The following TRPV3 variants were observed in gnomAD, a reference collection of about 807,000 sequenced individuals.
The protein encoded by TRPV3 is transient receptor potential cation channel subfamily V member 3, also known as VRL-3.
Under a neutral mutation model 87.1 loss-of-function variants are expected in TRPV3, and 88 were observed. That is an observed-to-expected ratio of 1.01 (90% CI 0.85 to 1.21). TRPV3 has a LOEUF of 1.21. TRPV3 is among the 50% of genes most tolerant of loss of function. The pLI is 0.00. For synonymous variants in TRPV3, 438 were observed against 423.3 expected (o/e 1.03, Z -0.43); for missense variants, 1,054 against 1,030.1 (o/e 1.02, Z -0.32).
intron 13 of TRPV3, among the ~76,000 whole-genome samples, chr17:3,521,420 A>G (rs2074244983): frequency 6.6e-6 from 1 of 152,212 alleles, no homozygotes; most frequent in Non-Finnish European, 1.5e-5. Context: ...AAACACAGCC[A>G]TTATTCAGAA....
At chr17:3,527,296 C>T (rs896523566) in intron 11 of TRPV3, among the ~76,000 whole-genome samples, 6 of 152,162 alleles carry the variant, frequency 3.9e-5, no homozygotes, top group African/African-American at 1.2e-4. Flanking sequence ...TTGTCCTCAT[C>T]GTCCTCGTGC....
intron 13 of TRPV3, among the ~76,000 whole-genome samples, chr17:3,522,931 A>C (rs1211591748): frequency 1.3e-5 from 2 of 152,116 alleles, no homozygotes; most frequent in Non-Finnish European, 2.9e-5. Flanking sequence ...ATGTATATGT[A>C]TAGGAAAAAA....
chr17:3,531,424 G>A (rs376375812), intron 8 of TRPV3, among the ~76,000 whole-genome samples: 3 of 150,972 alleles, frequency 2.0e-5, no homozygotes, highest in Admixed American at 6.7e-5. Context: ...TCTCCGCCCC[G>A]CACCCCAGCC....
Position 3,513,986 on chromosome 17 carries a change from G to C in TRPV3, c.2304C>G (p.Ser768=). 6.2e-7 allele frequency: 1 copy of C among 1,613,878 alleles called. No homozygotes were observed. The highest frequency in any genetic ancestry group is 8.5e-7 in the Non-Finnish European group (1 of 1,179,852). Residue 768 remains serine, a synonymous_variant, in exon 18 of 18, where the codon TCC becomes TCG. Transcript: ENST00000576742. ...RTDFNKIQDS[S]RNNSKTTLNA... Reference sequence around the variant, plus strand: ...TGAGAGTGGTTTTGCTGTTGTTCCTGGAAGAATCTTGGATTTTGTTGAAAT... The same window carrying C: ...TGAGAGTGGTTTTGCTGTTGTTCCTCGAAGAATCTTGGATTTTGTTGAAAT...
intron 6 of TRPV3, among the ~76,000 whole-genome samples, chr17:3,537,153 T>C (rs925265107): frequency 1.3e-5 from 2 of 152,158 alleles, no homozygotes; most frequent in African/African-American, 4.8e-5. Flanking sequence ...TGACATAGGA[T>C]CTTGCTGTGT....
At chr17:3,537,581 G>T (rs1400348925) in intron 6 of TRPV3, among the ~76,000 whole-genome samples, 1 of 152,110 alleles carries the variant, frequency 6.6e-6, no homozygotes, top group Non-Finnish European at 1.5e-5. Context: ...TGATAGGCTG[G>T]GGAAAATATT....
intron 4 of TRPV3, 107 bp downstream of exon 4, chr17:3,544,472 C>T (rs905397471): frequency 5.8e-6 from 4 of 684,004 alleles, no homozygotes; most frequent in Non-Finnish European, 9.7e-6. Flanking sequence ...GTCCCAATCC[C>T]CAGGAATGGT....
At position 3,530,219 on chromosome 17, in the gene TRPV3, G is replaced by T; in HGVS notation, c.1066-16C>A. ...ACTTCAGGATCTGGGACAGGAGGAG[G>T]AACAACCATCAGCTGCAGAACAGGG... On this transcript the variant is annotated splice_polypyrimidine_tract_variant and intron_variant, in intron 8 of 17. Transcript: ENST00000576742. This position sits in a 1 kb window ranked among gnomAD's most constrained non-coding sequence, Gnocchi z 4.0. 1 of 1,604,722 alleles carries T rather than the reference G, an allele frequency of 6.2e-7. No individual in the cohort carries two copies. The highest frequency in any genetic ancestry group is 1.1e-5 in the South Asian group (1 of 89,248).
rs991436384 is a variant in TRPV3 at position 3,521,814 on chromosome 17, G to A, written c.1744-775C>T. On this transcript the variant is annotated intron_variant, in intron 13 of 17. Coordinates refer to ENST00000576742, the MANE Select transcript of TRPV3 (RefSeq NM_145068.4). ...GACAGGCCAGGGTGCAGTGACTCAC[G>A]CCTGTAATCCCAACACTTTGAGAGG... is the stretch of plus-strand genomic sequence containing the variant. 8.5e-5 allele frequency among the ~76,000 whole-genome samples: 13 copies of A among 152,140 alleles called. No individual in the cohort carries two copies. In the East Asian group the frequency reaches 1.2e-3, roughly 14 times the overall value.
chr17:3,519,850 C>CTGGATGGATGGATGGA (rs61346728), intron 14 of TRPV3, among the ~76,000 whole-genome samples: 2 of 107,782 alleles, frequency 1.9e-5, no homozygotes, highest in African/African-American at 3.9e-5. Context: ...GGATGGATGA[C>CTGGATGGATGGATGGA]TGGATGGATG....
At chr17:3,521,536 A>T (rs1404636391) in intron 13 of TRPV3, among the ~76,000 whole-genome samples, 1 of 152,202 alleles carries the variant, frequency 6.6e-6, no homozygotes, top group African/African-American at 2.4e-5. Context: ...AAGAGAATAG[A>T]TCATAAATGT....
At chr17:3,540,266 G>A (rs960501927) in intron 6 of TRPV3, among the ~76,000 whole-genome samples, 1 of 152,086 alleles carries the variant, frequency 6.6e-6, no homozygotes, top group Non-Finnish European at 1.5e-5. Context: ...TGCTGGTCCT[G>A]GAGCCCCTCT....
At chr17:3,535,161 C>G (rs923045442) in intron 7 of TRPV3, among the ~76,000 whole-genome samples, 2 of 138,584 alleles carry the variant, frequency 1.4e-5, no homozygotes, top group African/African-American at 5.5e-5. Context: ...TCCTTTCTCT[C>G]CCTCCGCCCT....
intron 2 of TRPV3, among the ~76,000 whole-genome samples, chr17:3,549,134 G>T (rs1291121380): frequency 6.6e-6 from 1 of 152,198 alleles, no homozygotes; most frequent in African/African-American, 2.4e-5. Flanking sequence ...ATTATCTCCA[G>T]ACAGAGCTCC....
intron 16 of TRPV3, among the ~76,000 whole-genome samples, 188 bp from the exon 17 acceptor site, chr17:3,514,860 G>A (rs62071321): frequency 0.16 from 24,930 of 151,902 alleles, 2,905 homozygotes; most frequent in East Asian, 0.56. Flanking sequence ...CCATCTCCAC[G>A]TCCCCAGGCC....
chr17:3,526,811 A>C (rs1252860278), intron 12 of TRPV3, 43 bp downstream of exon 12: 1 of 1,538,952 alleles, frequency 6.5e-7, no homozygotes, highest in Non-Finnish European at 8.9e-7. Context: ...CAGGACGTCA[A>C]CCCTGCCTGT....
intron 4 of TRPV3, 33 bp from the exon 5 acceptor site, chr17:3,543,661 C>A (rs369981492): frequency 1.6e-5 from 26 of 1,611,108 alleles, no homozygotes; most frequent in African/African-American, 2.7e-5. Flanking sequence ...ACTCAACACA[C>A]ACATCCTCTC....
At chr17:3,549,731 A>AGGATGGATGGATGGATAGGT (rs2074555859) in intron 2 of TRPV3, among the ~76,000 whole-genome samples, 1 of 126,988 alleles carries the variant, frequency 7.9e-6, no homozygotes. Flanking sequence ...GGATGGATGG[A>AGGATGGATGGATGGATAGGT]GGATGGATGG....
In TRPV3 at chr17:3,544,605, C is replaced by T. The variant is rs1433396990; in HGVS notation, c.285G>A (p.Glu95=). 1 of 1,607,964 alleles carries T rather than the reference C, an allele frequency of 6.2e-7. No individual in the cohort carries two copies. The highest frequency in any genetic ancestry group is 1.3e-5 in the African/African-American group (1 of 74,778). The change falls in exon 4 of 18, where the codon GAG becomes GAA. Residue 95 remains glutamate (E), a synonymous_variant. Transcript: ENST00000576742. ...SPQSPQDDVT[E]TPSNPNSPSA... Reference sequence around the variant, plus strand: ...TGGGGCTGTTGGGATTGGATGGGGTCTCTGTCACATCATCCTGAGGAGACT... The same window carrying T: ...TGGGGCTGTTGGGATTGGATGGGGTTTCTGTCACATCATCCTGAGGAGACT...
Sources: gnomAD v4.1 joint callset for allele counts (sites outside exome capture counted in the v4.1 genomes callset) on GRCh38, gnomAD v4.1.1 for gene constraint, Gnocchi (gnomAD v3.1) non-coding constraint, MANE v1.5 for transcripts, NCBI Gene and HGNC (gene_info 2026-07-23, HGNC 2026-07-21) for gene names.